PLEKHA6: variants seen among roughly 807,000 people sequenced by gnomAD.
PLEKHA6 encodes pleckstrin homology domain-containing family A member 6.
PLEKHA6 carries 60 observed loss-of-function variants against 116.7 expected under a neutral mutation model. The ratio of observed to expected loss-of-function variants is 0.51; its 90% CI spans 0.42 to 0.64. PLEKHA6 has a LOEUF of 0.64. PLEKHA6 is among the 30% of genes least tolerant of loss of function. The probability of loss-of-function intolerance (pLI) is 0.00; values close to 1 mark genes in which losing one functional copy is unlikely to be tolerated. For missense variants in PLEKHA6, 1,338 were observed against 1,422.7 expected (o/e 0.94, Z 0.96); for synonymous variants, 489 against 556.1 (o/e 0.88, Z 1.70).
At chr1:204,247,944 C>A (rs1220118740) in intron 12 of PLEKHA6, among the ~76,000 whole-genome samples, 1 of 104,112 alleles carries the variant, frequency 9.6e-6, no homozygotes, top group Non-Finnish European at 1.9e-5. Flanking sequence ...CACAGTGAGA[C>A]CCTGTTCTTA....
In PLEKHA6 at chr1:204,315,205, CT is replaced by C. The variant is rs374645185; in HGVS notation, c.-94-40397del. Among the ~76,000 whole-genome samples the C allele has an allele frequency of 6.5e-3, 989 of 152,290 alleles. 6 individuals are homozygous for C. Among genetic ancestry groups the C allele is most frequent in the African/African-American group, 0.023 (945 of 41,548 alleles). ...CCTTTAAAATTAAAGCCAATTTCCC[CT>C]CCACTGGCTATGGCTCAATACCTGT... is the stretch of plus-strand genomic sequence containing the variant. On this transcript the variant is annotated intron_variant, in intron 1 of 22. Coordinates refer to ENST00000272203, the MANE Select transcript of PLEKHA6 (RefSeq NM_014935.5).
At chr1:204,285,667 C>T (rs4617466) in intron 1 of PLEKHA6, among the ~76,000 whole-genome samples, 79,796 of 151,962 alleles carry the variant, frequency 0.53, 22,129 homozygotes, top group East Asian at 0.83. Context: ...AGTAGAGACA[C>T]GGTCTCGCCG....
intron 1 of PLEKHA6, among the ~76,000 whole-genome samples, chr1:204,343,560 C>A (rs1401739130): frequency 9.2e-5 from 14 of 152,170 alleles, no homozygotes; most frequent in Admixed American, 7.2e-4. Context: ...ACTTGCCTGA[C>A]TCTTGAAACA....
At chr1:204,359,558 A>G in intron 1 of PLEKHA6, 136 bp downstream of exon 1, 1 of 968,822 alleles carries the variant, frequency 1.0e-6, no homozygotes, top group Non-Finnish European at 1.2e-6. Flanking sequence ...GCTGCCAAGG[A>G]TGAGAGATGG....
At chr1:204,318,756 C>T (rs1671952704) in intron 1 of PLEKHA6, among the ~76,000 whole-genome samples, 1 of 152,196 alleles carries the variant, frequency 6.6e-6, no homozygotes. Context: ...TTAATTTGAA[C>T]AGTACAAACC....
chr1:204,344,373 G>A (rs972433657), intron 1 of PLEKHA6, among the ~76,000 whole-genome samples: 1 of 152,122 alleles, frequency 6.6e-6, no homozygotes, highest in Non-Finnish European at 1.5e-5. Flanking sequence ...GCCTAGGCAG[G>A]TGGATCATTT....
At chr1:204,280,315 C>G in intron 1 of PLEKHA6, 1 of 985,414 alleles carries the variant, frequency 1.0e-6, no homozygotes, top group African/African-American at 1.7e-5. Flanking sequence ...CAAAATTAAT[C>G]CAAGTTTCAC....
intron 1 of PLEKHA6, among the ~76,000 whole-genome samples, chr1:204,377,291 T>C (rs1010120778): frequency 6.6e-6 from 1 of 152,068 alleles, no homozygotes; most frequent in African/African-American, 2.4e-5. Flanking sequence ...GGTCTAGTCA[T>C]CCTCCTGGAG....
At chr1:204,342,488 T>C (rs1672883507) in intron 1 of PLEKHA6, among the ~76,000 whole-genome samples, 1 of 152,232 alleles carries the variant, frequency 6.6e-6, no homozygotes, top group South Asian at 2.1e-4. Context: ...CTACTCCACA[T>C]TGAATGACTT....
At chr1:204,363,288 T>C (rs563550370), upstream of PLEKHA6, among the ~76,000 whole-genome samples, 17 of 152,372 alleles carry the variant, frequency 1.1e-4, 1 homozygote, top group South Asian at 3.5e-3. Context: ...CCTGGGCTTC[T>C]GATCTCTGCC....
At chr1:204,365,925 G>C (rs769086039) in intron 3 of PLEKHA6, among the ~76,000 whole-genome samples, 1 of 152,198 alleles carries the variant, frequency 6.6e-6, no homozygotes, top group Non-Finnish European at 1.5e-5. Flanking sequence ...GCCTCTCTGA[G>C]GAGGTGACAT....
chr1:204,321,333 T>G (rs1184491894), intron 1 of PLEKHA6, among the ~76,000 whole-genome samples: 1 of 151,962 alleles, frequency 6.6e-6, no homozygotes, highest in Non-Finnish European at 1.5e-5. Context: ...AGGACGCAAA[T>G]TGATTGTGCC....
intron 9 of PLEKHA6, among the ~76,000 whole-genome samples, chr1:204,254,997 G>A (rs1471475234): frequency 6.6e-6 from 1 of 152,190 alleles, no homozygotes; most frequent in African/African-American, 2.4e-5. Context: ...GCAGCTCATG[G>A]AACATTCACT....
intron 9 of PLEKHA6, among the ~76,000 whole-genome samples, chr1:204,251,795 T>C (rs1015032326): frequency 3.9e-5 from 6 of 152,188 alleles, no homozygotes; most frequent in African/African-American, 1.2e-4. Context: ...AAGCTGTCCT[T>C]GCAGAAAGGC....
intron 17 of PLEKHA6, among the ~76,000 whole-genome samples, chr1:204,233,144 G>A (rs1661427550): frequency 1.3e-5 from 2 of 150,094 alleles, no homozygotes; most frequent in Admixed American, 1.3e-4. Context: ...ATTGTATTTT[G>A]AAAGCAGATT....
intron 1 of PLEKHA6, among the ~76,000 whole-genome samples, chr1:204,313,064 C>G (rs1572165756): frequency 7.5e-6 from 1 of 132,574 alleles, no homozygotes; most frequent in African/African-American, 2.9e-5. Context: ...CCCTCCCTCC[C>G]TTCCTCCCTT....
Position 204,315,378 on chromosome 1 carries a change from A to G in PLEKHA6, c.-94-40569T>C, listed in dbSNP as rs551681623. Among the ~76,000 whole-genome samples the G allele has an allele frequency of 3.9e-5, 6 of 152,262 alleles. No individual in the cohort carries two copies. The East Asian group carries it at 1.2e-3, about 29-fold the overall frequency. On this transcript the variant is annotated intron_variant, in intron 1 of 22. Transcript: ENST00000272203. ...TTCAAACGTCATATTCTATGGCTCC[A>G]TGTGTAAGTTTTCTAGTTCAACCTG...
At chr1:204,273,153 C>T (rs1297647487) in intron 3 of PLEKHA6, among the ~76,000 whole-genome samples, 1 of 152,184 alleles carries the variant, frequency 6.6e-6, no homozygotes, top group Non-Finnish European at 1.5e-5. Context: ...TTCCTTCCCC[C>T]TCTCTGAGCT....
At chr1:204,246,801 C>A (rs966176639) in intron 13 of PLEKHA6, among the ~76,000 whole-genome samples, 1 of 152,216 alleles carries the variant, frequency 6.6e-6, no homozygotes, top group African/African-American at 2.4e-5. Flanking sequence ...TCCCGCAGCG[C>A]CTACTCTTCT....
Sources: gnomAD v4.1 joint callset for allele counts (sites outside exome capture counted in the v4.1 genomes callset) on GRCh38, gnomAD v4.1.1 for gene constraint, MANE v1.5 for transcripts, NCBI Gene and HGNC (gene_info 2026-07-23, HGNC 2026-07-21) for gene names.